The following FIP1L1 variants were observed in gnomAD, a reference collection of about 807,000 sequenced individuals.
FIP1L1 encodes pre-mRNA 3'-end-processing factor FIP1.
FIP1L1 carries 21 observed loss-of-function variants against 84.6 expected under a neutral mutation model. The observed-to-expected ratio is 0.25, with a 90% CI of 0.18 to 0.36. FIP1L1 has a LOEUF of 0.36. FIP1L1 is among the 10% of genes least tolerant of loss of function. FIP1L1 has a pLI of 1.00. For synonymous variants in FIP1L1, 263 were observed against 242.3 expected, an observed-to-expected ratio of 1.09 and a Z score of -0.80; for missense variants, 526 against 751.1, an observed-to-expected ratio of 0.70 and a Z score of 3.50.
In FIP1L1 at chr4:53,404,516, C is replaced by G. The variant is rs1019055647; in HGVS notation, c.815+4677C>G. ...TAGCAGCATGATTTAGAGTCCTTTG[C>G]GTATATACCCAGTAATGGGATGGCT... On this transcript the variant is annotated intron_variant, in intron 10 of 17. Coordinates refer to ENST00000337488, the MANE Select transcript of FIP1L1 (RefSeq NM_030917.4). 3.2e-3 allele frequency among the ~76,000 whole-genome samples: 481 copies of G among 152,048 alleles called. 5 individuals carry two copies. Among genetic ancestry groups the G allele is most frequent in the Middle Eastern group, 3.4e-3 (1 of 294 alleles).
intron 11 of FIP1L1, among the ~76,000 whole-genome samples, chr4:53,424,683 TC>T (rs1378959562): frequency 6.6e-6 from 1 of 152,090 alleles, no homozygotes; most frequent in Non-Finnish European, 1.5e-5. Context: ...GTGGAGTGTT[TC>T]AAGGTCTACT....
At chr4:53,405,192 G>A (rs1392395892) in intron 10 of FIP1L1, among the ~76,000 whole-genome samples, 24 of 152,106 alleles carry the variant, frequency 1.6e-4, no homozygotes, top group Admixed American at 5.9e-4. Flanking sequence ...TGTATAAGGT[G>A]TAAGGAAGGG....
At chr4:53,388,956 A>T (rs1324292018) in intron 5 of FIP1L1, among the ~76,000 whole-genome samples, 5 of 152,080 alleles carry the variant, frequency 3.3e-5, no homozygotes, top group African/African-American at 4.8e-5. Flanking sequence ...AACTTCAGAT[A>T]TTTTTTTCTT....
At chr4:53,403,621 T>C (rs369883607) in intron 10 of FIP1L1, among the ~76,000 whole-genome samples, 1 of 152,174 alleles carries the variant, frequency 6.6e-6, no homozygotes, top group East Asian at 1.9e-4. Context: ...CTTAAGATGC[T>C]TGAAAAAGTG....
At chr4:53,452,200 TAA>T (rs1238028642) in intron 15 of FIP1L1, among the ~76,000 whole-genome samples, 2 of 152,160 alleles carry the variant, frequency 1.3e-5, no homozygotes, top group African/African-American at 4.8e-5. Context: ...ATTCTTTTGG[TAA>T]AGTCTGTTGG....
intron 5 of FIP1L1, among the ~76,000 whole-genome samples, chr4:53,384,146 T>G (rs1739576179): frequency 6.6e-6 from 1 of 152,198 alleles, no homozygotes; most frequent in Non-Finnish European, 1.5e-5. Flanking sequence ...TAGAGGTTCA[T>G]GCCTGTAATC....
Position 53,459,872 on chromosome 4 carries a change from CTT to C in FIP1L1, c.*425_*426del, listed in dbSNP as rs1721486200. The C allele has an allele frequency of 1.3e-5, 3 of 237,010 alleles. No individual in the cohort carries two copies. The highest frequency in any genetic ancestry group is 4.5e-5 in the African/African-American group (2 of 44,848). 14.7% of individuals were successfully genotyped at this position (237,010 alleles called of 1,614,324 possible). A position where few individuals can be genotyped will look rare whatever the true frequency, so the allele number is the denominator to read the frequency against. ...TCTAAGGCTTGAGATTAAAACTAGT[CTT>C]TATCATTACTGCTGTGACACTCTTG... On this transcript the variant is annotated 3_prime_UTR_variant, in exon 18 of 18. Transcript: ENST00000337488.
In FIP1L1 at chr4:53,424,847, C is replaced by G. The variant is rs191517184; in HGVS notation, c.924-1025C>G. Among the ~76,000 whole-genome samples, 3 of 152,186 alleles carry G rather than the reference C, an allele frequency of 2.0e-5. No individual in the cohort carries two copies. The East Asian group carries it at 5.8e-4, about 29-fold the overall frequency. ...TGAAAGTTAGTTTTGCTATTTAATTCATGCTTGTGTCAGTGATTTCACTTT... is the reference window on the plus strand; with the variant it reads ...TGAAAGTTAGTTTTGCTATTTAATTGATGCTTGTGTCAGTGATTTCACTTT... On this transcript the variant is annotated intron_variant, in intron 11 of 17. Coordinates refer to ENST00000337488, the MANE Select transcript of FIP1L1 (RefSeq NM_030917.4).
intron 11 of FIP1L1, among the ~76,000 whole-genome samples, chr4:53,420,054 C>A (rs28403386): frequency 2.7e-4 from 41 of 151,590 alleles, no homozygotes; most frequent in Non-Finnish European, 4.7e-4. Context: ...AAAAATTAGC[C>A]GGGCGCGGTG....
chr4:53,450,606 G>C (rs1775976418), intron 15 of FIP1L1, among the ~76,000 whole-genome samples: 1 of 152,150 alleles, frequency 6.6e-6, no homozygotes. Flanking sequence ...GATCACTTGA[G>C]CCTGAGAGTT....
intron 11 of FIP1L1, among the ~76,000 whole-genome samples, chr4:53,416,962 C>CA (rs200178112): frequency 0.011 from 1,576 of 148,572 alleles, 26 homozygotes; most frequent in African/African-American, 0.037. Flanking sequence ...GACCCTGTCT[C>CA]AAAAAAAAAG....
intron 10 of FIP1L1, among the ~76,000 whole-genome samples, chr4:53,400,359 A>G (rs1749586976): frequency 6.6e-6 from 1 of 152,214 alleles, no homozygotes; most frequent in African/African-American, 2.4e-5. Flanking sequence ...AGAGGCAAAT[A>G]TGCTAGAAAA....
intron 10 of FIP1L1, among the ~76,000 whole-genome samples, chr4:53,413,052 G>A (rs1289114789): frequency 2.0e-5 from 3 of 151,990 alleles, no homozygotes; most frequent in African/African-American, 7.2e-5. Context: ...TGTATACATG[G>A]TGTTTAAACC....
rs1185117186 is a variant in FIP1L1 at position 53,399,771 on chromosome 4, C to G, written c.747C>G (p.Ala249=). 6.2e-7 allele frequency: 1 copy of G among 1,613,220 alleles called. No individual in the cohort carries two copies. Among genetic ancestry groups the G allele is most frequent in the African/African-American group, 1.3e-5 (1 of 74,722 alleles). ...GRTGNSEKET[A]LPSTKAEFTS... is the part of the protein sequence containing the mutation. ...CTGGAAACTCAGAGAAAGAAACTGCCCTTCCATCTACAAAAGCTGAGTTTA... is the reference window on the plus strand; with the variant it reads ...CTGGAAACTCAGAGAAAGAAACTGCGCTTCCATCTACAAAAGCTGAGTTTA... Residue 249 remains alanine, a synonymous_variant, in exon 10 of 18, where the codon GCC becomes GCG. Transcript: ENST00000337488.
In FIP1L1 at chr4:53,436,678, T is replaced by C. The variant is rs569534232; in HGVS notation, c.1175-5975T>C. ...TTATATAAAATTATGATAGACTACA[T>C]TGAGAATGAGTTTATAGACAATCTG... is the stretch of plus-strand genomic sequence containing the variant. On this transcript the variant is annotated intron_variant, in intron 13 of 17. Transcript: ENST00000337488. Among the ~76,000 whole-genome samples, 37 of 152,300 alleles carry C rather than the reference T, an allele frequency of 2.4e-4. No individual in the cohort carries two copies. In the South Asian group the frequency reaches 7.5e-3, roughly 31 times the overall value.
rs1176303548 is a variant in FIP1L1 at position 53,460,589 on chromosome 4, TAAATTTA to T, written c.*1143_*1149del. ...GCAGACTTCAGCATATACCAAATTT[TAAATTTA>T]AATCAGCTTGAATTCAGTGGGGTAT... On this transcript the variant is annotated 3_prime_UTR_variant, in exon 18 of 18. Transcript: ENST00000337488. The T allele has an allele frequency of 3.9e-6, 1 of 254,084 alleles. No individual in the cohort carries two copies. The highest frequency in any genetic ancestry group is 5.6e-5 in the Admixed American group (1 of 17,942). 15.7% of individuals were successfully genotyped at this position (254,084 alleles called of 1,614,324 possible).
chr4:53,450,602 T>C (rs1775975318), intron 15 of FIP1L1, among the ~76,000 whole-genome samples: 1 of 152,186 alleles, frequency 6.6e-6, no homozygotes, highest in Non-Finnish European at 1.5e-5. Context: ...GGAAGATCAC[T>C]TGAGCCTGAG....
chr4:53,414,538 GAAAAAA>G, intron 10 of FIP1L1, 71 bp from the exon 11 acceptor site: 2 of 736,088 alleles, frequency 2.7e-6, no homozygotes, highest in Non-Finnish European at 4.2e-6. Context: ...AGCATGTCAA[GAAAAAA>G]AAAAAAACAG....
chr4:53,383,886 T>A lies in FIP1L1; in HGVS notation c.332+10T>A. 6.2e-7 allele frequency: 1 copy of A among 1,608,130 alleles called. No homozygotes were observed. Among genetic ancestry groups the A allele is most frequent in the Non-Finnish European group, 8.5e-7 (1 of 1,177,732 alleles). ...GAGCACCACAGTATGGGTAAGTTAT[T>A]TTTTAGTAAGTAACAATTGTGTAAA... On this transcript the variant is annotated intron_variant, in intron 5 of 17. Coordinates refer to ENST00000337488, the MANE Select transcript of FIP1L1 (RefSeq NM_030917.4).
Sources: gnomAD v4.1 joint callset for allele counts (sites outside exome capture counted in the v4.1 genomes callset) on GRCh38, gnomAD v4.1.1 for gene constraint, MANE v1.5 for transcripts, NCBI Gene and HGNC (gene_info 2026-07-23, HGNC 2026-07-21) for gene names.